FOXJ3: variants seen among roughly 807,000 people sequenced by gnomAD.
FOXJ3 encodes forkhead box J3, also known as forkhead box protein J3.
In FOXJ3, 22 loss-of-function variants were observed where a neutral mutation model predicts 76.1. The ratio of observed to expected loss-of-function variants is 0.29; its 90% CI spans 0.21 to 0.41. The LOEUF is 0.41. Among genes scored for constraint, FOXJ3 ranks in the 10% least tolerant of loss-of-function variants. The probability of loss-of-function intolerance (pLI) is 1.00; values close to 1 mark genes in which losing one functional copy is unlikely to be tolerated. For synonymous variants in FOXJ3, 269 were observed against 261.2 expected (o/e 1.03, Z -0.29); for missense variants, 613 against 762.1 (o/e 0.80, Z 2.30).
At chr1:42,232,780 T>C (rs343383) in intron 4 of FOXJ3, among the ~76,000 whole-genome samples, 111,351 of 152,020 alleles carry the variant, frequency 0.73, 40,982 homozygotes, top group Admixed American at 0.81. Context: ...TTTGGCTGTG[T>C]GGAAGCTCTT....
At chr1:42,304,556 T>C (rs1381309938) in intron 2 of FOXJ3, among the ~76,000 whole-genome samples, 1 of 152,008 alleles carries the variant, frequency 6.6e-6, no homozygotes, top group Non-Finnish European at 1.5e-5. Flanking sequence ...AAAACAGCCA[T>C]ACCAATGGAA....
chr1:42,280,011 A>T (rs950452575), intron 2 of FOXJ3, among the ~76,000 whole-genome samples: 3 of 152,236 alleles, frequency 2.0e-5, no homozygotes, highest in South Asian at 2.1e-4. Context: ...CCAGAGTCTA[A>T]GTACTGATTC....
rs71065112 is a variant in FOXJ3, at chr1:42,280,438, T to TAAAAAAAAAA, written c.45-1776_45-1767dup. On this transcript the variant is annotated intron_variant, in intron 2 of 12. Transcript: ENST00000361346. Reference sequence around the variant, plus strand: ...ATCCATATAGCATCTTCAGAGATCTTAAAAAAAAAAAAAAAAAAAAAAAAA... The same window carrying TAAAAAAAAAA: ...ATCCATATAGCATCTTCAGAGATCTTAAAAAAAAAAAAAAAAAAAAAAAAAAAAAAAAAAA... The TAAAAAAAAAA allele has an allele frequency of 2.3e-4, 18 of 77,582 alleles. 1 individual carries two copies. Among genetic ancestry groups the TAAAAAAAAAA allele is most frequent in the South Asian group, 6.6e-4 (1 of 1,504 alleles). 4.8% of individuals were successfully genotyped at this position (77,582 alleles called of 1,614,324 possible). A position where few individuals can be genotyped will look rare whatever the true frequency, so the allele number is the denominator to read the frequency against.
rs1646850970 is a variant in FOXJ3 at position 42,205,852 on chromosome 1, T to C, written c.540A>G (p.Pro180=). The C allele has an allele frequency of 1.9e-6, 3 of 1,601,956 alleles. No homozygotes were observed. The highest frequency in any genetic ancestry group is 1.7e-4 in the Middle Eastern group (1 of 6,024). ...RARSVERAST[P]YSIDSDSLGM... The stretch of plus-strand genomic sequence containing the variant: ...CCAAAGAATCTGAATCTATGCTATA[T>C]GGAGTTGAGGCCTAAAATACAAGAA... Residue 180 remains proline (P), a synonymous_variant, in exon 6 of 13, where the codon CCA becomes CCG. Transcript: ENST00000361346.
At chr1:42,295,057 C>T (rs1242146861) in intron 2 of FOXJ3, among the ~76,000 whole-genome samples, 11 of 152,012 alleles carry the variant, frequency 7.2e-5, no homozygotes, top group Admixed American at 3.9e-4. Context: ...TGAAACCAAG[C>T]GAAGCTTTTT....
chr1:42,188,309 C>A (rs1007184859), intron 11 of FOXJ3, among the ~76,000 whole-genome samples: 1 of 152,172 alleles, frequency 6.6e-6, no homozygotes, highest in African/African-American at 2.4e-5. Context: ...TTTTCCATTA[C>A]GTCTACTCTT....
intron 5 of FOXJ3, among the ~76,000 whole-genome samples, chr1:42,223,936 C>T (rs182904710): frequency 1.4e-4 from 22 of 152,266 alleles, no homozygotes; most frequent in Admixed American, 9.1e-4. Flanking sequence ...TTTTTTAGTA[C>T]CTTGGATAAC....
intron 4 of FOXJ3, among the ~76,000 whole-genome samples, chr1:42,237,659 T>A (rs916875880): frequency 3.3e-5 from 5 of 151,882 alleles, no homozygotes. Flanking sequence ...AATTTTCATT[T>A]TACGATATGT....
Position 42,181,912 on chromosome 1 carries a change from C to G in FOXJ3, c.1753+5G>C. On this transcript the variant is annotated splice_donor_5th_base_variant and intron_variant, in intron 12 of 12. Coordinates refer to ENST00000361346, the MANE Select transcript of FOXJ3 (RefSeq NM_014947.5). The stretch of plus-strand genomic sequence containing the variant: ...ACACACACTCACTCTCTCTCTCTCT[C>G]TTACCTGCCATCGTTGTTCCTGGAG... 2 of 1,569,770 alleles carry G rather than the reference C, an allele frequency of 1.3e-6. No individual in the cohort carries two copies. Among genetic ancestry groups the G allele is most frequent in the Middle Eastern group, 3.4e-4 (2 of 5,952 alleles).
At chr1:42,258,197 T>C (rs896537779) in intron 4 of FOXJ3, among the ~76,000 whole-genome samples, 1 of 152,360 alleles carries the variant, frequency 6.6e-6, no homozygotes, top group South Asian at 2.1e-4. Flanking sequence ...TTTGGCTTTA[T>C]ACCATGCCTT....
intron 2 of FOXJ3, among the ~76,000 whole-genome samples, chr1:42,289,940 AG>A (rs1194638450): frequency 1.3e-5 from 2 of 152,124 alleles, no homozygotes; most frequent in Non-Finnish European, 2.9e-5. Flanking sequence ...AAAGATAAAA[AG>A]GGGTAAGTAG....
At chr1:42,183,255 A>G (rs371088294) in intron 11 of FOXJ3, among the ~76,000 whole-genome samples, 7 of 136,178 alleles carry the variant, frequency 5.1e-5, no homozygotes, top group African/African-American at 2.0e-4. Flanking sequence ...GACCCTGTCA[A>G]AAGAGAAGAG....
chr1:42,254,126 C>A (rs988843549), intron 4 of FOXJ3, among the ~76,000 whole-genome samples: 17 of 151,908 alleles, frequency 1.1e-4, no homozygotes, highest in African/African-American at 4.1e-4. Context: ...AGAAAAAAAA[C>A]AAACAACCCC....
At position 42,240,661 on chromosome 1, in the gene FOXJ3, A is replaced by G. The variant is rs548516135; in HGVS notation, c.445-12695T>C. On this transcript the variant is annotated intron_variant, in intron 4 of 12. Transcript: ENST00000361346. ...GTGCCAGGAAAATGGTCCACATGCA[A>G]AAGAATGAAACTGGGTCTCCTAACT... Among the ~76,000 whole-genome samples, 8 of 152,344 alleles carry G rather than the reference A, an allele frequency of 5.3e-5. No homozygotes were observed. In the South Asian group the frequency reaches 1.7e-3, roughly 32 times the overall value.
At chr1:42,286,096 G>A (rs914380260) in intron 2 of FOXJ3, among the ~76,000 whole-genome samples, 1 of 152,066 alleles carries the variant, frequency 6.6e-6, no homozygotes, top group East Asian at 1.9e-4. Context: ...GGTAGACAAA[G>A]GAGTCAACTA....
chr1:42,237,427 T>TACATACATACATATATATATATAC (rs1648762568), intron 4 of FOXJ3, among the ~76,000 whole-genome samples: 4 of 129,916 alleles, frequency 3.1e-5, no homozygotes. Context: ...TATATATATA[T>TACATACATACATATATATATATAC]ACATACATAC....
At chr1:42,326,354 T>C (rs1422133037) in intron 1 of FOXJ3, among the ~76,000 whole-genome samples, 2 of 152,220 alleles carry the variant, frequency 1.3e-5, no homozygotes, top group Admixed American at 6.5e-5. Flanking sequence ...ATGGTCACTG[T>C]AGAGAGCTTA....
intron 3 of FOXJ3, among the ~76,000 whole-genome samples, chr1:42,270,982 C>T (rs1044721987): frequency 6.6e-6 from 1 of 152,128 alleles, no homozygotes; most frequent in Non-Finnish European, 1.5e-5. Context: ...AATATAAGTA[C>T]TCATTTGTTC....
At chr1:42,191,040 G>GT (rs2124192805) in intron 9 of FOXJ3, among the ~76,000 whole-genome samples, 1 of 96,896 alleles carries the variant, frequency 1.0e-5, no homozygotes, top group South Asian at 3.8e-4. Context: ...GCAGGATAAT[G>GT]TAAGATAATG....
Sources: allele counts gnomAD v4.1 joint callset (sites outside exome capture counted in the v4.1 genomes callset), GRCh38; gene constraint gnomAD v4.1.1; transcripts MANE v1.5; gene names NCBI Gene and HGNC (gene_info 2026-07-23, HGNC 2026-07-21).